Variants in ASPRV1 observed in about 807,000 individuals in gnomAD.
The protein encoded by ASPRV1 is aspartic peptidase retroviral like 1, also known as retroviral-like aspartic protease 1.
A neutral mutation model predicts 11.0 loss-of-function variants in ASPRV1; 7 were observed. That is an observed-to-expected ratio of 0.64 (90% CI 0.36 to 1.20). ASPRV1 has a LOEUF of 1.20. ASPRV1 is among the 50% of genes most tolerant of loss of function. ASPRV1 has a pLI of 0.02. For missense variants in ASPRV1, 299 were observed against 320.0 expected, an observed-to-expected ratio of 0.93 and a Z score of 0.50; for synonymous variants, 136 against 138.4, an observed-to-expected ratio of 0.98 and a Z score of 0.12.
the ASPRV1 span, among the ~76,000 whole-genome samples, chr2:70,060,289 C>T: frequency 2.9e-5 from 4 of 135,916 alleles, no homozygotes; most frequent in Non-Finnish European, 4.6e-5. Context: ...TGCAGTAAGC[C>T]GAGATCACAC....
the ASPRV1 span, among the ~76,000 whole-genome samples, chr2:69,987,150 A>C: frequency 1.3e-5 from 2 of 152,144 alleles, no homozygotes; most frequent in East Asian, 3.9e-4. Flanking sequence ...GTCTGGCCTG[A>C]GTGAGGGGAA....
the ASPRV1 span, among the ~76,000 whole-genome samples, chr2:70,037,409 C>T: frequency 5.3e-5 from 8 of 152,102 alleles, no homozygotes; most frequent in Non-Finnish European, 1.0e-4. Flanking sequence ...CTGCAACCTC[C>T]GCCTCCTGCA....
the ASPRV1 span, chr2:70,071,852 C>T: frequency 6.6e-6 from 1 of 152,198 alleles, no homozygotes; most frequent in East Asian, 1.9e-4. Flanking sequence ...GCCTGTAATC[C>T]CAGCACTTTG....
At chr2:69,953,108 C>T in the ASPRV1 span, among the ~76,000 whole-genome samples, 19 of 152,302 alleles carry the variant, frequency 1.2e-4, no homozygotes, top group East Asian at 3.7e-3. Context: ...GGCAAGTAGC[C>T]AGGACTTTCA....
At chr2:69,973,290 G>A in the ASPRV1 span, among the ~76,000 whole-genome samples, 27 of 152,238 alleles carry the variant, frequency 1.8e-4, no homozygotes, top group Non-Finnish European at 3.8e-4. Flanking sequence ...ATAAATGAAT[G>A]TAGTTCCAAC....
the ASPRV1 span, chr2:70,003,429 G>A: frequency 1.3e-5 from 2 of 152,284 alleles, no homozygotes; most frequent in Non-Finnish European, 2.9e-5. Flanking sequence ...GTTTGCCACT[G>A]TTAACAAAAG....
chr2:69,996,958 G>A, the ASPRV1 span: 251 of 295,412 alleles, frequency 8.5e-4, 1 homozygote, highest in Non-Finnish European at 1.3e-3. Context: ...TTTTCCAACA[G>A]TCCTCAGCAG....
the ASPRV1 span, among the ~76,000 whole-genome samples, chr2:70,067,263 G>C: frequency 6.6e-6 from 1 of 151,830 alleles, no homozygotes; most frequent in African/African-American, 2.4e-5. Flanking sequence ...TACTGGGTTT[G>C]GGGCTTTAGC....
At chr2:70,014,637 C>T in the ASPRV1 span, 1 of 151,296 alleles carries the variant, frequency 6.6e-6, no homozygotes, top group Non-Finnish European at 1.5e-5. Flanking sequence ...CTCATCTCTA[C>T]AAAAAATAAA....
chr2:70,030,832 C>T, the ASPRV1 span: 4 of 152,156 alleles, frequency 2.6e-5, no homozygotes, highest in Admixed American at 6.5e-5. Flanking sequence ...CAAGGAGGAT[C>T]TGAATAACCA....
chr2:69,937,940 T>C, the ASPRV1 span, among the ~76,000 whole-genome samples: 1 of 151,930 alleles, frequency 6.6e-6, no homozygotes, highest in South Asian at 2.1e-4. Flanking sequence ...AGAAACAGGG[T>C]TTCACTGTGT....
chr2:70,009,333 T>TATTTATTC, the ASPRV1 span, among the ~76,000 whole-genome samples: 2 of 151,810 alleles, frequency 1.3e-5, 1 homozygote. Context: ...TTTATTTATT[T>TATTTATTC]ATTTATTTAT....
At chr2:69,933,595 G>A in the ASPRV1 span, among the ~76,000 whole-genome samples, 1 of 152,162 alleles carries the variant, frequency 6.6e-6, no homozygotes, top group South Asian at 2.1e-4. Flanking sequence ...AGCACCCTTG[G>A]AGAGTTTAGG....
At chr2:69,939,007 C>T in the ASPRV1 span, 10 of 152,532 alleles carry the variant, frequency 6.6e-5, no homozygotes, top group Non-Finnish European at 1.3e-4. Context: ...CTTGGGACCT[C>T]GCTGTGTTCT....
chr2:70,059,734 A>G, the ASPRV1 span: 2 of 157,238 alleles, frequency 1.3e-5, no homozygotes, highest in Non-Finnish European at 2.8e-5. Flanking sequence ...TTAGATTCTC[A>G]TAAGAAGCAT....
upstream of ASPRV1, among the ~76,000 whole-genome samples, chr2:69,965,768 C>T (rs374267365): frequency 5.7e-4 from 87 of 152,322 alleles, no homozygotes; most frequent in African/African-American, 2.0e-3. Context: ...CAAGGGCACA[C>T]GGGCAGGACA....
chr2:69,987,064 G>T, the ASPRV1 span, among the ~76,000 whole-genome samples: 2 of 152,276 alleles, frequency 1.3e-5, no homozygotes, highest in East Asian at 1.9e-4. Flanking sequence ...TAGGAAGGAG[G>T]AGTAGGAATG....
At chr2:70,073,600 A>C in the ASPRV1 span, among the ~76,000 whole-genome samples, 5 of 152,206 alleles carry the variant, frequency 3.3e-5, no homozygotes, top group African/African-American at 7.2e-5. Context: ...CTAGCAGCTT[A>C]ACAAGGAAAG....
rs145600005 is a variant in ASPRV1 at position 69,960,330 on chromosome 2, G to T, written c.*327C>A. The T allele has an allele frequency of 5.6e-4, 165 of 292,370 alleles. 2 individuals are homozygous for T. In the East Asian group the frequency reaches 0.011, roughly 19 times the overall value. The allele number at this position is 292,370 out of a possible 1,614,324, so 18.1% of individuals were successfully genotyped here. On this transcript the variant is annotated 3_prime_UTR_variant, in exon 1 of 1. Transcript: ENST00000320256. ...GCCATACCTCAGGGAATCTGAAGGG[G>T]TCCCACAGTTCTTTCAAAGACAAGC...
Sources: allele counts gnomAD v4.1 joint callset (sites outside exome capture counted in the v4.1 genomes callset), GRCh38; gene constraint gnomAD v4.1.1; transcripts MANE v1.5; gene names NCBI Gene and HGNC (gene_info 2026-07-23, HGNC 2026-07-21).